Variants in ZNF789 observed in about 807,000 individuals in gnomAD.
ZNF789 encodes zinc finger protein 789.
A neutral mutation model predicts 15.6 loss-of-function variants in ZNF789; 11 were observed. The observed-to-expected ratio is 0.70, with a 90% CI of 0.44 to 1.16. The LOEUF (loss-of-function observed/expected upper bound fraction) is 1.16. ZNF789 is among the 50% of genes most tolerant of loss of function. ZNF789 has a pLI of 0.00. For synonymous variants in ZNF789, 159 were observed against 176.0 expected (o/e 0.90, Z 0.76); for missense variants, 461 against 512.6 (o/e 0.90, Z 0.97).
chr7:99,486,326 T>A (rs746481470), intron 4 of ZNF789, 150 bp from the exon 5 acceptor site: 149 of 808,610 alleles, frequency 1.8e-4, no homozygotes, highest in Non-Finnish European at 9.6e-5. Flanking sequence ...AAAAAAAATT[T>A]CAGAGTTTTG....
intron 2 of ZNF789, 113 bp from the exon 3 acceptor site, chr7:99,479,548 G>A: frequency 2.3e-6 from 3 of 1,292,184 alleles, no homozygotes; most frequent in Non-Finnish European, 3.1e-6. Context: ...TATGAATTGG[G>A]TGCCCTTGGC....
chr7:99,484,437 T>G (rs1293756438), intron 4 of ZNF789, among the ~76,000 whole-genome samples: 1 of 152,146 alleles, frequency 6.6e-6, no homozygotes, highest in Non-Finnish European at 1.5e-5. Flanking sequence ...CTGGCCAACA[T>G]GGTGAAACCC....
chr7:99,482,747 C>T (rs1039050706), intron 3 of ZNF789, among the ~76,000 whole-genome samples: 7 of 151,624 alleles, frequency 4.6e-5, no homozygotes, highest in African/African-American at 1.5e-4. Flanking sequence ...TCAGCTATTC[C>T]GGAGGCTGAG....
rs1234243732 is a variant in ZNF789, at chr7:99,472,897, G to A, written c.-214G>A. On this transcript the variant is annotated 5_prime_UTR_variant, in exon 1 of 5. Coordinates refer to ENST00000331410, the MANE Select transcript of ZNF789 (RefSeq NM_213603.3). ...GCGCGCGCAGGTGGAGCCAGCGAGA[G>A]GCTCTGAGGCTGCCAGAGTGGTTGT... The A allele has an allele frequency of 6.6e-6, 1 of 152,364 alleles. No individual in the cohort carries two copies. Among genetic ancestry groups the A allele is most frequent in the Admixed American group, 6.5e-5 (1 of 15,290 alleles). 9.4% of individuals were successfully genotyped at this position (152,364 alleles called of 1,614,324 possible). A position where few individuals can be genotyped will look rare whatever the true frequency, so the allele number is the denominator to read the frequency against.
chr7:99,485,410 G>A, intron 4 of ZNF789: 1 of 672,108 alleles, frequency 1.5e-6, no homozygotes, highest in Non-Finnish European at 2.7e-6. Context: ...TCCAAACCCT[G>A]TTCACCCCTA....
chr7:99,486,775 T>G lies in ZNF789; in HGVS notation c.565T>G (p.Leu189Val), dbSNP rs1446297968. Reference sequence around the variant, plus strand: ...ACCCTTCAATCAAAGATCTTTGCTTTTGGGGCATGAGCGAATTCTCACAAG... The same window carrying G: ...ACCCTTCAATCAAAGATCTTTGCTTGTGGGGCATGAGCGAATTCTCACAAG... ...GKPFNQRSLL[L>V]GHERILTRAK... The change falls in exon 5 of 5, where the codon TTG (leucine) becomes GTG (valine). Residue 189 changes from leucine (L) to valine (V), a missense_variant. Coordinates refer to ENST00000331410, the MANE Select transcript of ZNF789 (RefSeq NM_213603.3). 1 of 1,614,184 alleles carries G rather than the reference T, an allele frequency of 6.2e-7. No individual in the cohort carries two copies. Among genetic ancestry groups the G allele is most frequent in the South Asian group, 1.1e-5 (1 of 91,088 alleles).
chr7:99,479,292 T>G (rs549434174), intron 2 of ZNF789: 1 of 175,226 alleles, frequency 5.7e-6, no homozygotes, highest in East Asian at 1.5e-4. Flanking sequence ...CTGTGCCCAT[T>G]CGCTTACTTG....
rs537219892 is a variant in ZNF789 at position 99,480,092 on chromosome 7, G to A, written c.151+305G>A. The stretch of plus-strand genomic sequence containing the variant: ...TGTAATCCCAGCACTTTGGGATTCC[G>A]AGGCGGGTGGATCACATGAGGTCAG... On this transcript the variant is annotated intron_variant, in intron 3 of 4. Coordinates refer to ENST00000331410, the MANE Select transcript of ZNF789 (RefSeq NM_213603.3). The A allele has an allele frequency of 1.6e-4, 60 of 369,958 alleles. No homozygotes were observed. The South Asian group carries it at 4.7e-3, about 29-fold the overall frequency. 22.9% of individuals were successfully genotyped at this position (369,958 alleles called of 1,614,324 possible). A position where few individuals can be genotyped will look rare whatever the true frequency, so the allele number is the denominator to read the frequency against.
At position 99,487,426 on chromosome 7, in the gene ZNF789, T is replaced by A; in HGVS notation, c.1216T>A (p.Phe406Ile). ...PYQCVICGKS[F>I]KWHTSFIKHQ... is the part of the protein sequence containing the mutation. ...CCAATGTGTCATATGTGGAAAATCT[T>A]TCAAGTGGCACACAAGCTTTATTAA... Residue 406 changes from phenylalanine to isoleucine, a missense_variant, in exon 5 of 5, where the codon TTC becomes ATC. Coordinates refer to ENST00000331410, the MANE Select transcript of ZNF789 (RefSeq NM_213603.3). 6.2e-7 allele frequency: 1 copy of A among 1,614,210 alleles called. No individual in the cohort carries two copies.
rs1327558797 is a variant in ZNF789 at position 99,484,022 on chromosome 7, A to G, written c.152-8A>G. The G allele has an allele frequency of 1.1e-5, 17 of 1,613,178 alleles. No homozygotes were observed. Among genetic ancestry groups the G allele is most frequent in the Non-Finnish European group, 1.2e-5 (14 of 1,179,378 alleles). On this transcript the variant is annotated splice_region_variant and splice_polypyrimidine_tract_variant and intron_variant, in intron 3 of 4. Coordinates refer to ENST00000331410, the MANE Select transcript of ZNF789 (RefSeq NM_213603.3). ...ACGGCCACATCCCATTTACTTCCCC[A>G]TGAGTAGGATTTCAGTTTCCCAAAC...
chr7:99,485,489 C>A, intron 4 of ZNF789: 1 of 522,344 alleles, frequency 1.9e-6, no homozygotes. Context: ...TCTATGCTAT[C>A]CTATACTTTG....
chr7:99,487,165 G>C lies in ZNF789; in HGVS notation c.955G>C (p.Gly319Arg). The change falls in exon 5 of 5, where the codon GGA becomes CGA. Residue 319 changes from glycine to arginine, a missense_variant. By Grantham distance (125) the Gly-to-Arg change is moderately radical. Coordinates refer to ENST00000331410, the MANE Select transcript of ZNF789 (RefSeq NM_213603.3). ...AAAACGCCATAAATGCCTTGAGTGT[G>C]GAAAAGCCTTTGGCCGGCATTCAAC... ...GEKRHKCLEC[G>R]KAFGRHSTLL... 1 of 1,614,156 alleles carries C rather than the reference G, an allele frequency of 6.2e-7. No homozygotes were observed. The highest frequency in any genetic ancestry group is 1.1e-5 in the South Asian group (1 of 91,086).
At chr7:99,478,176 C>T (rs562358957) in intron 2 of ZNF789, 39 of 837,182 alleles carry the variant, frequency 4.7e-5, no homozygotes, top group Non-Finnish European at 6.4e-5. Flanking sequence ...AAATCAGTTT[C>T]CAAGAACCTA....
intron 1 of ZNF789, among the ~76,000 whole-genome samples, chr7:99,475,810 T>TTTTC (rs1799302365): frequency 6.8e-6 from 1 of 148,122 alleles, no homozygotes; most frequent in Admixed American, 6.7e-5. Context: ...TTCTTTCTTT[T>TTTTC]TTTTTTTTTT....
chr7:99,487,218 T>C lies in ZNF789; in HGVS notation c.1008T>C (p.Ser336=). ...TTCTATGTCATCAACAGATTCACAG[T>C]AAACCGAACACCCATAAATGCAGTG... is the stretch of plus-strand genomic sequence containing the variant. The part of the protein sequence containing the change: ...STLLCHQQIH[S]KPNTHKCSEC... Residue 336 remains serine, a synonymous_variant, in exon 5 of 5, where the codon AGT becomes AGC. Coordinates refer to ENST00000331410, the MANE Select transcript of ZNF789 (RefSeq NM_213603.3). The C allele has an allele frequency of 6.2e-7, 1 of 1,614,180 alleles. No homozygotes were observed. Among genetic ancestry groups the C allele is most frequent in the Non-Finnish European group, 8.5e-7 (1 of 1,180,048 alleles).
chr7:99,481,254 C>T (rs577087289), intron 3 of ZNF789: 4 of 152,056 alleles, frequency 2.6e-5, no homozygotes, highest in East Asian at 3.8e-4. Flanking sequence ...TTTGTTTGTT[C>T]GTTGGTTTGC....
At chr7:99,474,549 G>C (rs1050815126) in intron 1 of ZNF789, among the ~76,000 whole-genome samples, 4 of 151,544 alleles carry the variant, frequency 2.6e-5, no homozygotes, top group Non-Finnish European at 5.9e-5. Context: ...AGCCGAGATC[G>C]CGCCACTGCA....
rs781498504 is a variant in ZNF789, at chr7:99,486,838, AT to A, written c.630del (p.Arg211GlyfsTer15). The stretch of plus-strand genomic sequence containing the variant: ...TGAATGCAGTGAATGTGGAAAAGTC[AT>A]TAGGCGTAAGGCATGGTTTGATCAA... ...SYECSECGKV[I>X]RRKAWFDQHQ... On this transcript the variant is annotated frameshift_variant, in exon 5 of 5. Coordinates refer to ENST00000331410, the MANE Select transcript of ZNF789 (RefSeq NM_213603.3). LOFTEE classifies it low-confidence loss of function (END_TRUNC). 2 of 1,614,184 alleles carry A rather than the reference AT, an allele frequency of 1.2e-6. No homozygotes were observed. Among genetic ancestry groups the A allele is most frequent in the Admixed American group, 3.3e-5 (2 of 60,008 alleles).
chr7:99,485,407 C>G, intron 4 of ZNF789: 1 of 674,490 alleles, frequency 1.5e-6, no homozygotes, highest in Non-Finnish European at 2.7e-6. Context: ...TTGTCCAAAC[C>G]CTGTTCACCC....
Sources: gnomAD v4.1 joint callset for allele counts (sites outside exome capture counted in the v4.1 genomes callset) on GRCh38, gnomAD v4.1.1 for gene constraint, MANE v1.5 for transcripts, NCBI Gene and HGNC (gene_info 2026-07-23, HGNC 2026-07-21) for gene names.